The following UGT1A6 variants were observed in gnomAD, a reference collection of about 807,000 sequenced individuals.
UGT1A6 encodes the protein UDP-glucuronosyltransferase 1A6.
Under a neutral mutation model 44.4 loss-of-function variants are expected in UGT1A6, and 32 were observed. The observed-to-expected ratio is 0.72, with a 90% CI of 0.54 to 0.97. The LOEUF (loss-of-function observed/expected upper bound fraction) is 0.97. Among genes scored for constraint, UGT1A6 ranks in the 50% least tolerant of loss-of-function variants. The pLI is 0.00. For missense variants in UGT1A6, 685 were observed against 661.9 expected (o/e 1.03, Z -0.38); for synonymous variants, 238 against 248.5 (o/e 0.96, Z 0.40).
At chr2:233,707,538 CTT>C (rs753963758) in intron 1 of UGT1A6, among the ~76,000 whole-genome samples, 33 of 126,850 alleles carry the variant, frequency 2.6e-4, no homozygotes, top group Middle Eastern at 4.2e-3. Context: ...TTTGTCTTGC[CTT>C]TTTTTTTTTT....
At position 233,693,443 on chromosome 2, in the gene UGT1A6, C is replaced by T; in HGVS notation, c.439C>T (p.Leu147Phe). Residue 147 changes from leucine to phenylalanine, a missense_variant, in exon 1 of 5, where the codon CTT becomes TTT. By Grantham distance (22) the Leu-to-Phe change is conservative. Transcript: ENST00000305139. Reference protein sequence around the residue: ...NFFKESKFDALFTDPALPCGV... With the variant: ...NFFKESKFDAFFTDPALPCGV... Reference sequence around the variant, plus strand: ...CTTTAAGGAGAGCAAGTTTGATGCTCTTTTCACAGACCCAGCCTTACCCTG... The same window carrying T: ...CTTTAAGGAGAGCAAGTTTGATGCTTTTTTCACAGACCCAGCCTTACCCTG... 1.2e-6 allele frequency: 2 copies of T among 1,614,134 alleles called. No homozygotes were observed. Among genetic ancestry groups the T allele is most frequent in the Admixed American group, 1.7e-5 (1 of 60,030 alleles).
chr2:233,742,301 A>C (rs1405327803), intron 1 of UGT1A6, among the ~76,000 whole-genome samples: 1 of 152,018 alleles, frequency 6.6e-6, no homozygotes, highest in Admixed American at 6.5e-5. Context: ...TTATAGATTA[A>C]CTAAAAGTAT....
At chr2:233,691,738 A>C, upstream of UGT1A6, 2 of 700,940 alleles carry the variant, frequency 2.9e-6, no homozygotes, top group Non-Finnish European at 3.5e-6. Context: ...CCAGAAGCAG[A>C]TACCAGGCTT....
intron 1 of UGT1A6, chr2:233,740,614 G>C (rs1166695020): frequency 6.6e-6 from 1 of 151,764 alleles, no homozygotes; most frequent in Non-Finnish European, 1.5e-5. Context: ...AGGTCTCTTG[G>C]GGCTCACAGG....
At chr2:233,718,319 T>C (rs1258120850) in intron 1 of UGT1A6, among the ~76,000 whole-genome samples, 1 of 152,270 alleles carries the variant, frequency 6.6e-6, no homozygotes, top group Non-Finnish European at 1.5e-5. Flanking sequence ...TAGAGAAAGC[T>C]GGCTTAGCAA....
intron 1 of UGT1A6, among the ~76,000 whole-genome samples, chr2:233,714,659 C>A (rs2076403929): frequency 6.6e-6 from 1 of 152,156 alleles, no homozygotes; most frequent in Admixed American, 6.5e-5. Flanking sequence ...TTTTATTTAA[C>A]CAGATGTATC....
At chr2:233,751,583 A>G (rs1290710025) in intron 1 of UGT1A6, among the ~76,000 whole-genome samples, 1 of 152,192 alleles carries the variant, frequency 6.6e-6, no homozygotes, top group Non-Finnish European at 1.5e-5. Flanking sequence ...CATAATTCCC[A>G]TGTGTTAAGG....
At chr2:233,760,403 A>T (rs2125983562) in intron 1 of UGT1A6, 1 of 1,614,240 alleles carries the variant, frequency 6.2e-7, no homozygotes, top group Non-Finnish European at 8.5e-7. Flanking sequence ...GATGGCAGCC[A>T]CTGGCTGAGC....
At chr2:233,751,840 C>G (rs55891750) in intron 1 of UGT1A6, among the ~76,000 whole-genome samples, 1 of 152,044 alleles carries the variant, frequency 6.6e-6, no homozygotes, top group Non-Finnish European at 1.5e-5. Flanking sequence ...GGAACTGAGT[C>G]ATTTAAACCT....
intron 1 of UGT1A6, among the ~76,000 whole-genome samples, chr2:233,696,604 C>T (rs926125593): frequency 2.2e-5 from 3 of 133,902 alleles, no homozygotes; most frequent in African/African-American, 8.6e-5. Context: ...AACTTGGATG[C>T]CCTTTCTTTC....
intron 1 of UGT1A6, among the ~76,000 whole-genome samples, chr2:233,753,929 G>A (rs147100101): frequency 1.3e-5 from 2 of 152,234 alleles, no homozygotes; most frequent in African/African-American, 4.8e-5. Context: ...CAGTGATATG[G>A]GATTCAAATG....
At chr2:233,703,929 T>C (rs2125594300) in intron 1 of UGT1A6, among the ~76,000 whole-genome samples, 1 of 152,142 alleles carries the variant, frequency 6.6e-6, no homozygotes, top group East Asian at 1.9e-4. Context: ...CTCATTCTGT[T>C]ACCCAGACTG....
chr2:233,711,687 G>C (rs2125625049), intron 1 of UGT1A6, among the ~76,000 whole-genome samples: 1 of 152,298 alleles, frequency 6.6e-6, no homozygotes, highest in East Asian at 1.9e-4. Flanking sequence ...ATTTCTAATG[G>C]GGGTAACTTC....
At chr2:233,710,864 A>T (rs1455243493) in intron 1 of UGT1A6, among the ~76,000 whole-genome samples, 1 of 152,198 alleles carries the variant, frequency 6.6e-6, no homozygotes, top group Non-Finnish European at 1.5e-5. Context: ...TATGTTTTTT[A>T]AAAAAGTTAA....
intron 1 of UGT1A6, chr2:233,755,460 GCT>G (rs1695928623): frequency 3.6e-6 from 1 of 281,062 alleles, no homozygotes. Flanking sequence ...GACTGGCCCT[GCT>G]CTCTGTGAGG....
chr2:233,718,525 G>A (rs1278661591), intron 1 of UGT1A6, among the ~76,000 whole-genome samples: 2 of 152,236 alleles, frequency 1.3e-5, no homozygotes, highest in East Asian at 3.8e-4. Flanking sequence ...GGTGTCCACA[G>A]CCTTGTGTTG....
At chr2:233,764,520 A>G (rs935086504) in intron 1 of UGT1A6, among the ~76,000 whole-genome samples, 4 of 152,220 alleles carry the variant, frequency 2.6e-5, no homozygotes, top group African/African-American at 4.8e-5. Context: ...TGTGAATCAC[A>G]TCCTGCTGAT....
chr2:233,712,254 C>T (rs1465603390), intron 1 of UGT1A6, among the ~76,000 whole-genome samples: 2 of 152,330 alleles, frequency 1.3e-5, no homozygotes, highest in Admixed American at 1.3e-4. Flanking sequence ...GGTTGTCTTG[C>T]ACATGTGTGC....
intron 1 of UGT1A6, among the ~76,000 whole-genome samples, chr2:233,737,048 T>C (rs764914717): frequency 2.0e-5 from 3 of 152,226 alleles, no homozygotes; most frequent in Admixed American, 6.5e-5. Flanking sequence ...AATGCCATAC[T>C]AGGAGAACGA....
Sources: gnomAD v4.1 joint callset for allele counts (sites outside exome capture counted in the v4.1 genomes callset) on GRCh38, gnomAD v4.1.1 for gene constraint, MANE v1.5 for transcripts, NCBI Gene and HGNC (gene_info 2026-07-23, HGNC 2026-07-21) for gene names.